Variants in PARP10 observed in about 807,000 individuals in gnomAD.
The protein encoded by PARP10 is protein mono-ADP-ribosyltransferase PARP10.
A neutral mutation model predicts 82.4 loss-of-function variants in PARP10; 56 were observed. The ratio of observed to expected loss-of-function variants is 0.68; its 90% CI spans 0.55 to 0.85. The LOEUF (loss-of-function observed/expected upper bound fraction) is 0.85, where lower values mean the gene tolerates loss of function less well. Among genes scored for constraint, PARP10 ranks in the 40% least tolerant of loss-of-function variants. The pLI is 0.00. For missense variants in PARP10, 1,227 were observed against 1,379.4 expected (o/e 0.89, Z 1.75); for synonymous variants, 576 against 601.1 (o/e 0.96, Z 0.61).
chr8:143,992,946 A>G (rs1587469881), upstream of PARP10: 1 of 952,534 alleles, frequency 1.0e-6, no homozygotes, highest in African/African-American at 1.6e-5. Context: ...GTCCCCAGGC[A>G]CAGCCTAGGG....
chr8:143,979,343 T>C lies in PARP10; in HGVS notation c.2557-1262A>G, dbSNP rs1456585158. 3.9e-5 allele frequency among the ~76,000 whole-genome samples: 6 copies of C among 152,178 alleles called. 1 individual carries two copies. Among genetic ancestry groups the C allele is most frequent in the Admixed American group, 2.6e-4 (4 of 15,278 alleles). On this transcript the variant is annotated intron_variant, in intron 9 of 10. Transcript: ENST00000313028. ...CCGGAAGAAGTCTCACCTTCTCACA[T>C]TGGGTCTCTCATTACCGACACCAGA...
chr8:143,977,431 C>T lies in PARP10; in HGVS notation c.*53G>A. The T allele has an allele frequency of 1.4e-6, 2 of 1,439,512 alleles. No individual in the cohort carries two copies. The highest frequency in any genetic ancestry group is 1.9e-6 in the Non-Finnish European group (2 of 1,075,366). The allele number at this position is 1,439,512 out of a possible 1,614,324, so 89.2% of individuals were successfully genotyped here. ...ACAGTTGGGGGCGGGGAGCATCAGC[C>T]TGTGCGGAGCTGGGAGCCTGGGAAG... On this transcript the variant is annotated 3_prime_UTR_variant, in exon 11 of 11. Coordinates refer to ENST00000313028, the MANE Select transcript of PARP10 (RefSeq NM_032789.5).
intron 1 of PARP10, among the ~76,000 whole-genome samples, chr8:143,997,202 C>T (rs1834170347): frequency 6.6e-6 from 1 of 152,166 alleles, no homozygotes; most frequent in Non-Finnish European, 1.5e-5. Context: ...AATGCAAATA[C>T]CACCCCCAAC....
intron 9 of PARP10, 77 bp from the exon 10 acceptor site, chr8:143,978,158 C>T: frequency 7.1e-7 from 1 of 1,413,044 alleles, no homozygotes; most frequent in Non-Finnish European, 9.3e-7. Flanking sequence ...CTGAGCCTGG[C>T]AACCAGGAGC....
chr8:143,986,190 G>A lies in PARP10; in HGVS notation c.46C>T (p.Arg16Cys), dbSNP rs377408178. The change falls in exon 2 of 11, where the codon CGT (arginine) becomes TGT (cysteine). Residue 16 changes from arginine (R) to cysteine (C), a missense_variant. Transcript: ENST00000313028. ...TCGGGCACGGCAGGGGGCAGTCCAC[G>A]GACCTCCACTGCCACCCCTGCCTCT... ...EAEAGVAVEVRGLPPAVPDEL... is the reference protein window; with the variant it reads ...EAEAGVAVEVCGLPPAVPDEL... 16 of 1,613,732 alleles carry A rather than the reference G, an allele frequency of 9.9e-6. No individual in the cohort carries two copies. Among genetic ancestry groups the A allele is most frequent in the South Asian group, 4.4e-5 (4 of 91,088 alleles).
At chr8:143,991,813 G>C (rs782783056), upstream of PARP10, 2 of 1,610,544 alleles carry the variant, frequency 1.2e-6, no homozygotes, top group Admixed American at 3.3e-5. Flanking sequence ...AGGTGGGTAG[G>C]GGCATCTCCA....
At position 143,984,702 on chromosome 8, in the gene PARP10, A is replaced by G. The variant is rs1554748740; in HGVS notation, c.1300T>C (p.Cys434Arg). 6.2e-7 allele frequency: 1 copy of G among 1,613,884 alleles called. No individual in the cohort carries two copies. Among genetic ancestry groups the G allele is most frequent in the South Asian group, 1.1e-5 (1 of 91,074 alleles). The change falls in exon 5 of 11, where the codon TGT becomes CGT. Residue 434 changes from cysteine (C) to arginine (R), a missense_variant. Transcript: ENST00000313028. ...LEKAGPVSPG[C>R]VKLAGQEGLV... ...CCCTCCTGCCCTGCCAGCTTCACAC[A>G]TCCTGGGCTCACAGGCCCTGCCTTC...
At chr8:144,012,447 C>T (rs1834295849) in intron 1 of PARP10, 2 of 1,420,134 alleles carry the variant, frequency 1.4e-6, no homozygotes. Context: ...CAGGCAAGGC[C>T]TGGGGCCCTG....
chr8:143,995,680 T>A (rs974906024), upstream of PARP10, among the ~76,000 whole-genome samples: 1 of 152,118 alleles, frequency 6.6e-6, no homozygotes, highest in Non-Finnish European at 1.5e-5. Flanking sequence ...CACTCACAGA[T>A]AGAGGCCTTG....
intron 1 of PARP10, among the ~76,000 whole-genome samples, chr8:144,001,629 C>T (rs1280499414): frequency 1.3e-5 from 2 of 152,002 alleles, no homozygotes; most frequent in African/African-American, 4.8e-5. Context: ...TCACTTCAAC[C>T]CAGGAGGTAG....
chr8:144,007,011 G>A (rs142451686), intron 1 of PARP10, among the ~76,000 whole-genome samples: 82 of 152,108 alleles, frequency 5.4e-4, no homozygotes, highest in South Asian at 1.2e-3. Context: ...CCTGAATGCC[G>A]CCCCCCTGCT....
rs150156372 is a variant in PARP10, at chr8:143,984,628, C to T, written c.1374G>A (p.Leu458=). 3 of 1,613,950 alleles carry T rather than the reference C, an allele frequency of 1.9e-6. No homozygotes were observed. The highest frequency in any genetic ancestry group is 2.7e-5 in the African/African-American group (2 of 74,894). ...LLMEPGAMRF[L]QLYHEDLLAG... is the part of the protein sequence containing the mutation. ...CAAGAAGGTCCTCATGGTAGAGCTG[C>T]AGGAAGCGCATCGCCCCTGGCTCCA... The change falls in exon 5 of 11, where the codon CTG becomes CTA. Residue 458 remains leucine (L), a synonymous_variant. Transcript: ENST00000313028.
At position 144,004,059 on chromosome 8, in the gene PARP10, T is replaced by C. The variant is rs2133079476; in HGVS notation, c.-80+8471A>G. Among the ~76,000 whole-genome samples the C allele has an allele frequency of 2.0e-5, 3 of 152,096 alleles. No individual in the cohort carries two copies. The South Asian group carries it at 6.2e-4, about 32-fold the overall frequency. Reference sequence around the variant, plus strand: ...CCAGCGTGGTGGTGCACGCCTGTAATCCCAGCACTTTGGGAAGCCAAGGCA... The same window carrying C: ...CCAGCGTGGTGGTGCACGCCTGTAACCCCAGCACTTTGGGAAGCCAAGGCA... On this transcript the variant is annotated intron_variant, in intron 1 of 3. Coordinates refer to the PARP10 transcript ENST00000530478.
Position 143,984,537 on chromosome 8 carries a change from C to T in PARP10, c.1458+7G>A, listed in dbSNP as rs781837920. On this transcript the variant is annotated splice_region_variant and intron_variant, in intron 5 of 10. Coordinates refer to ENST00000313028, the MANE Select transcript of PARP10 (RefSeq NM_032789.5). ...CTGAAGGTGAGGAGTCCTGAGGGGTCACTCACCCGAAAGCCAGTCATATCC... is the reference window on the plus strand; with the variant it reads ...CTGAAGGTGAGGAGTCCTGAGGGGTTACTCACCCGAAAGCCAGTCATATCC... 5 of 1,604,258 alleles carry T rather than the reference C, an allele frequency of 3.1e-6. No homozygotes were observed. In the Admixed American group the frequency reaches 5.0e-5, roughly 16 times the overall value.
At chr8:143,998,510 T>G (rs1333883067) in intron 1 of PARP10, among the ~76,000 whole-genome samples, 12 of 152,156 alleles carry the variant, frequency 7.9e-5, no homozygotes, top group Admixed American at 7.9e-4. Flanking sequence ...AAGGACACTA[T>G]GACTGAAAAC....
chr8:143,978,422 G>T (rs2133030795), intron 9 of PARP10, among the ~76,000 whole-genome samples: 1 of 152,304 alleles, frequency 6.6e-6, no homozygotes, highest in Middle Eastern at 3.4e-3. Context: ...AGATGCCACA[G>T]ACCTCTCAGT....
chr8:143,991,956 G>C, upstream of PARP10: 1 of 1,613,788 alleles, frequency 6.2e-7, no homozygotes, highest in Non-Finnish European at 8.5e-7. Context: ...GGAGGTGAAG[G>C]GCTTTGTCCG....
At chr8:143,992,870 G>T, upstream of PARP10, 1 of 1,606,530 alleles carries the variant, frequency 6.2e-7, no homozygotes. Context: ...TGCCCGCTCA[G>T]GTGGCACGGC....
upstream of PARP10, chr8:143,989,567 G>A (rs1307851763): frequency 6.6e-6 from 1 of 152,116 alleles, no homozygotes; most frequent in Non-Finnish European, 1.5e-5. This position sits in a 1 kb window ranked among gnomAD's most constrained non-coding sequence, Gnocchi z 4.3. Context: ...ATCCCATGTA[G>A]CCCGTAAATA....
Sources: allele counts gnomAD v4.1 joint callset (sites outside exome capture counted in the v4.1 genomes callset), GRCh38; gene constraint gnomAD v4.1.1; non-coding constraint Gnocchi (gnomAD v3.1); transcripts MANE v1.5; gene names NCBI Gene and HGNC (gene_info 2026-07-23, HGNC 2026-07-21).